Variants in ZNF138 observed in about 807,000 individuals in gnomAD.
ZNF138 encodes the protein zinc finger protein 138 (clone pHZ-32).
In ZNF138, 33 loss-of-function variants were observed where a neutral mutation model predicts 33.0. The observed-to-expected ratio is 1.00, with a 90% CI of 0.76 to 1.34. The LOEUF (loss-of-function observed/expected upper bound fraction) is 1.34. Among genes scored for constraint, ZNF138 ranks in the 40% most tolerant of loss-of-function variants. The pLI is 0.00. For missense variants in ZNF138, 360 were observed against 370.8 expected (o/e 0.97, Z 0.24); for synonymous variants, 139 against 120.4 (o/e 1.15, Z -1.01).
intron 3 of ZNF138, among the ~76,000 whole-genome samples, chr7:64,816,145 C>G (rs1420494540): frequency 6.6e-6 from 1 of 151,952 alleles, no homozygotes; most frequent in Non-Finnish European, 1.5e-5. Context: ...TGTCCCTCTA[C>G]TTTGTTCTTT....
rs577816422 is a variant in ZNF138, at chr7:64,810,898, G to A, written c.4-4020G>A. ...TCTGAAACCTAAAAGCAGATAAATG[G>A]AAAAAATAAAGTATGTATTTTAGGG... On this transcript the variant is annotated intron_variant, in intron 1 of 3. Transcript: ENST00000307355. Among the ~76,000 whole-genome samples the A allele has an allele frequency of 2.5e-4, 38 of 152,254 alleles. No homozygotes were observed. In the East Asian group the frequency reaches 7.1e-3, roughly 29 times the overall value.
At chr7:64,827,819 C>G (rs7785568) in intron 3 of ZNF138, among the ~76,000 whole-genome samples, 150,006 of 152,212 alleles carry the variant, frequency 0.99, 73,955 homozygotes, top group East Asian at 1. Context: ...CAATTTTATA[C>G]CTGTGAGTTA....
the ZNF138 span, among the ~76,000 whole-genome samples, chr7:64,847,204 G>A: frequency 4.0e-5 from 6 of 151,442 alleles, no homozygotes; most frequent in African/African-American, 1.5e-4. Flanking sequence ...TGGGCTTTGT[G>A]GCTCACACCT....
rs565827073 is a variant in ZNF138, at chr7:64,823,763, C to A, written c.209-7688C>A. The stretch of plus-strand genomic sequence containing the variant: ...GCCCAGCCTGGCCAATATGGTGAAA[C>A]CTCATCTCTACTAAAAATACAAAAA... On this transcript the variant is annotated intron_variant, in intron 3 of 3. Coordinates refer to ENST00000307355, the MANE Select transcript of ZNF138 (RefSeq NM_001271639.2). Among the ~76,000 whole-genome samples, 41 of 152,170 alleles carry A rather than the reference C, an allele frequency of 2.7e-4. No individual in the cohort carries two copies. In the East Asian group the frequency reaches 4.7e-3, roughly 17 times the overall value.
Position 64,833,126 on chromosome 7 carries a change from CT to C in ZNF138, c.*926del. ...GTGGTAAAACTTACAATCCTCAAAA[CT>C]TCTTACACCTAAAATTCATGCAGGA... On this transcript the variant is annotated 3_prime_UTR_variant, in exon 4 of 4. Coordinates refer to ENST00000307355, the MANE Select transcript of ZNF138 (RefSeq NM_001271639.2). The C allele has an allele frequency of 3.9e-6, 1 of 255,384 alleles. No homozygotes were observed. Among genetic ancestry groups the C allele is most frequent in the Non-Finnish European group, 7.9e-6 (1 of 126,072 alleles). 15.8% of individuals were successfully genotyped at this position (255,384 alleles called of 1,614,324 possible). A position where few individuals can be genotyped will look rare whatever the true frequency, so the allele number is the denominator to read the frequency against.
At chr7:64,824,680 T>G (rs1171501879) in intron 3 of ZNF138, among the ~76,000 whole-genome samples, 1 of 152,250 alleles carries the variant, frequency 6.6e-6, no homozygotes, top group East Asian at 1.9e-4. Flanking sequence ...TTATAAATTC[T>G]TGATAAATTT....
chr7:64,813,437 T>G (rs1016095429), intron 1 of ZNF138, among the ~76,000 whole-genome samples: 1 of 1,936 alleles, frequency 5.2e-4, no homozygotes, highest in African/African-American at 9.9e-4. Flanking sequence ...ATAAAAATGA[T>G]TTTTTTTTTT....
intron 1 of ZNF138, among the ~76,000 whole-genome samples, chr7:64,813,661 C>T (rs2081945754): frequency 6.6e-6 from 1 of 151,986 alleles, no homozygotes; most frequent in Admixed American, 6.6e-5. Flanking sequence ...GTGTCGATCT[C>T]CTGACCTCGT....
At chr7:64,805,689 G>A (rs567187919) in intron 1 of ZNF138, among the ~76,000 whole-genome samples, 2 of 152,334 alleles carry the variant, frequency 1.3e-5, no homozygotes, top group East Asian at 1.9e-4. Context: ...TGCTCAGGGC[G>A]TAGCATAGCC....
Position 64,825,154 on chromosome 7 carries a change from C to CTTTTTTTTTTTTTTT in ZNF138, c.209-6275_209-6261dup, listed in dbSNP as rs71061316. On this transcript the variant is annotated intron_variant, in intron 3 of 3. Transcript: ENST00000307355. ...TCTTGTAGGCCGCATGTTGTATGCT[C>CTTTTTTTTTTTTTTT]TTTTTTTTTTTTTTTTTTTTTTTTT... 4.3e-5 allele frequency among the ~76,000 whole-genome samples: 2 copies of CTTTTTTTTTTTTTTT among 45,988 alleles called. 1 individual carries two copies. Among genetic ancestry groups the CTTTTTTTTTTTTTTT allele is most frequent in the African/African-American group, 2.0e-4 (2 of 10,256 alleles). The allele number at this position is 45,988 out of a possible 152,430, so 30.2% of individuals were successfully genotyped here. A position where few individuals can be genotyped will look rare whatever the true frequency, so the allele number is the denominator to read the frequency against.
At chr7:64,797,726 G>T (rs1028446576) in intron 1 of ZNF138, among the ~76,000 whole-genome samples, 36 of 152,184 alleles carry the variant, frequency 2.4e-4, no homozygotes, top group African/African-American at 8.4e-4. Flanking sequence ...TTGTTTTGAG[G>T]CAGTTTCTAG....
At chr7:64,804,829 CCT>C (rs1787445323) in intron 1 of ZNF138, among the ~76,000 whole-genome samples, 1 of 152,034 alleles carries the variant, frequency 6.6e-6, no homozygotes, top group South Asian at 2.1e-4. Flanking sequence ...CATTATAGAT[CCT>C]CTCATTTAAT....
chr7:64,852,611 G>C, the ZNF138 span: 2 of 1,506,566 alleles, frequency 1.3e-6, no homozygotes, highest in Non-Finnish European at 1.8e-6. Flanking sequence ...AAGCCCGCCT[G>C]TCCTGTTGAG....
At chr7:64,831,401 T>A (rs373844894) in intron 3 of ZNF138, 50 bp from the exon 4 acceptor site, 246 of 1,432,118 alleles carry the variant, frequency 1.7e-4, no homozygotes, top group Non-Finnish European at 2.2e-4. Flanking sequence ...TAAAGTATAT[T>A]CATCTGAGTC....
In ZNF138 at chr7:64,826,718, C is replaced by T. The variant is rs566147944; in HGVS notation, c.209-4733C>T. Among the ~76,000 whole-genome samples, 26 of 152,136 alleles carry T rather than the reference C, an allele frequency of 1.7e-4. No homozygotes were observed. In the South Asian group the frequency reaches 5.2e-3, roughly 30 times the overall value. On this transcript the variant is annotated intron_variant, in intron 3 of 3. Transcript: ENST00000307355. ...AGGCTGGAGTGCAATGGTGTTATCTCGGTTCACTGTAACTTCTGCCTTCCA... is the reference window on the plus strand; with the variant it reads ...AGGCTGGAGTGCAATGGTGTTATCTTGGTTCACTGTAACTTCTGCCTTCCA...
chr7:64,817,914 T>A (rs1239995572), intron 3 of ZNF138, among the ~76,000 whole-genome samples: 1 of 152,030 alleles, frequency 6.6e-6, no homozygotes, highest in Non-Finnish European at 1.5e-5. Context: ...TTAAGTTTGC[T>A]GTAGGTAAAG....
chr7:64,817,010 T>C lies in ZNF138; in HGVS notation c.208+1357T>C, dbSNP rs927198264. Among the ~76,000 whole-genome samples, 15 of 152,324 alleles carry C rather than the reference T, an allele frequency of 9.8e-5. No individual in the cohort carries two copies. In the East Asian group the frequency reaches 2.9e-3, roughly 29 times the overall value. On this transcript the variant is annotated intron_variant, in intron 3 of 3. Transcript: ENST00000307355. ...AAATATCCTTCAGCACTTTGCTCTG[T>C]AGGGCAGCCACTAGGGCAGGTTTTT...
rs397716187 is a variant in ZNF138 at position 64,803,276 on chromosome 7, T to TTTTTC, written c.3+8705_3+8706insTTTTC. Among the ~76,000 whole-genome samples, 4 of 146,950 alleles carry TTTTTC rather than the reference T, an allele frequency of 2.7e-5. No homozygotes were observed. In the South Asian group the frequency reaches 8.5e-4, roughly 31 times the overall value. On this transcript the variant is annotated intron_variant, in intron 1 of 3. Transcript: ENST00000307355. ...GGCAAAGGTTTTTTTTTTTTTTTTT[T>TTTTTC]CATTTAATCTGTATCTTTTAAGGTA...
chr7:64,845,939 T>G, the ZNF138 span, among the ~76,000 whole-genome samples: 1 of 152,224 alleles, frequency 6.6e-6, no homozygotes, highest in African/African-American at 2.4e-5. Flanking sequence ...GATTTTTGTA[T>G]AAGATGAGAG....
Sources: allele counts gnomAD v4.1 joint callset (sites outside exome capture counted in the v4.1 genomes callset), GRCh38; gene constraint gnomAD v4.1.1; transcripts MANE v1.5; gene names NCBI Gene and HGNC (gene_info 2026-07-23, HGNC 2026-07-21).